The following SCAPER variants were observed in gnomAD, a reference collection of about 807,000 sequenced individuals.
SCAPER encodes the protein S-phase cyclin A associated protein in the ER.
In SCAPER, 98 loss-of-function variants were observed where a neutral mutation model predicts 182.2. The observed-to-expected ratio is 0.54, with a 90% CI of 0.46 to 0.64. SCAPER has a LOEUF of 0.64. Among genes scored for constraint, SCAPER ranks in the 30% least tolerant of loss-of-function variants. The pLI is 0.00. For missense variants in SCAPER, 1,432 were observed against 1,690.0 expected (o/e 0.85, Z 2.68); for synonymous variants, 605 against 564.6 (o/e 1.07, Z -1.01).
rs560015908 is a variant in SCAPER, at chr15:76,527,310, T to C, written c.2839-22336A>G. On this transcript the variant is annotated intron_variant, in intron 23 of 31. Coordinates refer to ENST00000563290, the MANE Select transcript of SCAPER (RefSeq NM_020843.4). ...TGTAGTTTTGGTTTGCAGGTGCATT[T>C]TGGGTGAGAGGCTTTTTGTTTTATT... Among the ~76,000 whole-genome samples the C allele has an allele frequency of 9.0e-4, 137 of 152,344 alleles. 2 individuals are homozygous for C. The highest frequency in any genetic ancestry group is 3.2e-3 in the African/African-American group (132 of 41,582).
Position 76,765,756 on chromosome 15 carries a change from T to C in SCAPER, c.1420-118A>G, listed in dbSNP as rs1598599541. On this transcript the variant is annotated intron_variant, in intron 11 of 31. Transcript: ENST00000563290. The stretch of plus-strand genomic sequence containing the variant: ...TTAATATATTCTATTTAACCAACAG[T>C]TGAAAACCAGGAAAAAGGTACCTAC... The C allele has an allele frequency of 1.2e-4, 107 of 864,676 alleles. 2 individuals are homozygous for C. In the South Asian group the frequency reaches 1.3e-3, roughly 11 times the overall value. The allele number at this position is 864,676 out of a possible 1,614,324, so 53.6% of individuals were successfully genotyped here.
At chr15:76,562,295 T>C (rs2046703352) in intron 23 of SCAPER, among the ~76,000 whole-genome samples, 1 of 152,028 alleles carries the variant, frequency 6.6e-6, no homozygotes, top group African/African-American at 2.4e-5. Context: ...ACAATATTGA[T>C]AAATCTGACA....
intron 30 of SCAPER, 86 bp downstream of exon 30, chr15:76,353,863 A>G (rs2062721358): frequency 4.0e-6 from 5 of 1,250,356 alleles, no homozygotes; most frequent in Non-Finnish European, 5.3e-6. Context: ...TATGGAAGGC[A>G]AAAATAAACA....
chr15:76,703,315 G>A (rs192169237), intron 18 of SCAPER, among the ~76,000 whole-genome samples: 10 of 152,292 alleles, frequency 6.6e-5, no homozygotes, highest in South Asian at 2.1e-4. Flanking sequence ...CCTCCAGTAC[G>A]TCACTGTGAT....
intron 25 of SCAPER, among the ~76,000 whole-genome samples, chr15:76,454,230 T>C (rs1438497225): frequency 6.6e-6 from 1 of 152,188 alleles, no homozygotes; most frequent in East Asian, 1.9e-4. Flanking sequence ...AGTTTAGATA[T>C]TACTTTCTCT....
At chr15:76,740,404 T>C (rs967501005) in intron 15 of SCAPER, among the ~76,000 whole-genome samples, 1 of 152,164 alleles carries the variant, frequency 6.6e-6, no homozygotes, top group African/African-American at 2.4e-5. Context: ...AAAAATTGAC[T>C]CAGAACATCA....
intron 26 of SCAPER, among the ~76,000 whole-genome samples, chr15:76,414,451 T>C (rs531432198): frequency 2.0e-5 from 3 of 151,962 alleles, no homozygotes; most frequent in South Asian, 2.1e-4. Context: ...TAAAAAATCT[T>C]GAATGCAGCT....
rs1348540948 is a variant in SCAPER, at chr15:76,381,288, C to T, written c.3705+90G>A. The T allele has an allele frequency of 6.9e-6, 7 of 1,009,744 alleles. No individual in the cohort carries two copies. In the Admixed American group the frequency reaches 8.2e-5, roughly 12 times the overall value. 62.5% of individuals were successfully genotyped at this position (1,009,744 alleles called of 1,614,324 possible). A position where few individuals can be genotyped will look rare whatever the true frequency, so the allele number is the denominator to read the frequency against. On this transcript the variant is annotated intron_variant, in intron 28 of 31. Transcript: ENST00000563290. ...CATTTATTGTAGTTTATTCCTTATGCCCCAATTCAGGAGAAGAATCTGACA... is the reference window on the plus strand; with the variant it reads ...CATTTATTGTAGTTTATTCCTTATGTCCCAATTCAGGAGAAGAATCTGACA...
intron 23 of SCAPER, among the ~76,000 whole-genome samples, chr15:76,520,144 A>G (rs1158037339): frequency 6.6e-6 from 1 of 152,228 alleles, no homozygotes; most frequent in Non-Finnish European, 1.5e-5. Context: ...TTCCTCAGTT[A>G]TAATAGTGAT....
At chr15:76,445,317 A>G (rs1386108236) in intron 25 of SCAPER, among the ~76,000 whole-genome samples, 1 of 152,242 alleles carries the variant, frequency 6.6e-6, no homozygotes, top group Admixed American at 6.5e-5. Context: ...TTTAAAATCC[A>G]TGTAAGAATT....
At chr15:76,801,901 T>C (rs1482278261) in intron 6 of SCAPER, among the ~76,000 whole-genome samples, 1 of 147,030 alleles carries the variant, frequency 6.8e-6, no homozygotes, top group Non-Finnish European at 1.5e-5. Flanking sequence ...AGAGTAAGAC[T>C]CTGTCTCCAA....
chr15:76,647,168 A>G (rs1406913323), intron 21 of SCAPER, among the ~76,000 whole-genome samples: 1 of 152,224 alleles, frequency 6.6e-6, no homozygotes, highest in Admixed American at 6.5e-5. Flanking sequence ...AGTAGGAGAA[A>G]GCTAATGTGT....
At chr15:76,484,561 GT>G (rs2051433209) in intron 24 of SCAPER, among the ~76,000 whole-genome samples, 1 of 152,096 alleles carries the variant, frequency 6.6e-6, no homozygotes, top group African/African-American at 2.4e-5. Flanking sequence ...TCTACCAGAT[GT>G]ACAAAGAAGA....
chr15:76,883,794 CT>C lies in SCAPER; in HGVS notation c.6+17del. On this transcript the variant is annotated intron_variant, in intron 2 of 31. Coordinates refer to ENST00000563290, the MANE Select transcript of SCAPER (RefSeq NM_020843.4). The stretch of plus-strand genomic sequence containing the variant: ...GAAAGGCAAAAAAACTAAGGCTAGT[CT>C]TTAAGATATCACTTACCATCATTCT... 1 of 1,512,586 alleles carries C rather than the reference CT, an allele frequency of 6.6e-7. No homozygotes were observed. Among genetic ancestry groups the C allele is most frequent in the Non-Finnish European group, 8.9e-7 (1 of 1,123,480 alleles). 93.7% of individuals were successfully genotyped at this position (1,512,586 alleles called of 1,614,324 possible).
At chr15:76,533,249 C>G (rs1057110445) in intron 23 of SCAPER, among the ~76,000 whole-genome samples, 1 of 152,138 alleles carries the variant, frequency 6.6e-6, no homozygotes. Context: ...AAATCAAATA[C>G]GTCAATATTT....
chr15:76,720,371 T>C (rs975560365), intron 17 of SCAPER, among the ~76,000 whole-genome samples: 1 of 152,156 alleles, frequency 6.6e-6, no homozygotes, highest in Non-Finnish European at 1.5e-5. Context: ...CTATTGTGGA[T>C]AGTGCCACAA....
chr15:76,652,369 CACATATATATATAT>C (rs1303949654), intron 21 of SCAPER, among the ~76,000 whole-genome samples: 2 of 13,702 alleles, frequency 1.5e-4, no homozygotes, highest in South Asian at 4.5e-3. Flanking sequence ...CACACACACA[CACATATATATATAT>C]ATATATATAT....
chr15:76,766,817 T>G, intron 11 of SCAPER, 101 bp downstream of exon 11: 1 of 893,248 alleles, frequency 1.1e-6, no homozygotes, highest in Non-Finnish European at 1.6e-6. Flanking sequence ...AAATAAATAA[T>G]TCTAAATAGG....
At chr15:76,372,274 AC>A (rs1333163753) in intron 29 of SCAPER, among the ~76,000 whole-genome samples, 1 of 152,092 alleles carries the variant, frequency 6.6e-6, no homozygotes, top group Non-Finnish European at 1.5e-5. Flanking sequence ...TTCTTCTCCA[AC>A]TGACAAGTGA....
Sources: gnomAD v4.1 joint callset for allele counts (sites outside exome capture counted in the v4.1 genomes callset) on GRCh38, gnomAD v4.1.1 for gene constraint, MANE v1.5 for transcripts, NCBI Gene and HGNC (gene_info 2026-07-23, HGNC 2026-07-21) for gene names.